ARHGAP26: variants seen among roughly 807,000 people sequenced by gnomAD.
ARHGAP26 encodes the protein rho GTPase-activating protein 26.
ARHGAP26 carries 38 observed loss-of-function variants against 104.8 expected under a neutral mutation model. That is an observed-to-expected ratio of 0.36 (90% CI 0.28 to 0.48). The LOEUF (loss-of-function observed/expected upper bound fraction) is 0.48, where lower values mean the gene tolerates loss of function less well. ARHGAP26 is among the 20% of genes least tolerant of loss of function. The pLI is 0.99. For synonymous variants in ARHGAP26, 341 were observed against 340.0 expected, an observed-to-expected ratio of 1.00 and a Z score of -0.03; for missense variants, 704 against 947.9, an observed-to-expected ratio of 0.74 and a Z score of 3.38.
chr5:143,080,589 G>A (rs1347056117), intron 17 of ARHGAP26, among the ~76,000 whole-genome samples: 1 of 152,228 alleles, frequency 6.6e-6, no homozygotes, highest in Non-Finnish European at 1.5e-5. Context: ...CCCTGGGAAA[G>A]GCACCTGCTT....
At chr5:142,904,251 G>C (rs1488751026) in intron 8 of ARHGAP26, among the ~76,000 whole-genome samples, 1 of 151,998 alleles carries the variant, frequency 6.6e-6, no homozygotes, top group Non-Finnish European at 1.5e-5. Flanking sequence ...AGCACTTTTG[G>C]AGGCTGAGGT....
intron 1 of ARHGAP26, among the ~76,000 whole-genome samples, chr5:142,837,852 A>G (rs1769902395): frequency 6.6e-6 from 1 of 152,224 alleles, no homozygotes; most frequent in African/African-American, 2.4e-5. Flanking sequence ...GCTTCAGATG[A>G]AAGCAGAAGA....
chr5:143,121,053 C>G lies in ARHGAP26; in HGVS notation c.1604C>G (p.Thr535Ser), dbSNP rs200735964. ...VANLGVVFGPTLLRPQEETVA... is the reference protein window; with the variant it reads ...VANLGVVFGPSLLRPQEETVA... Reference sequence around the variant, plus strand: ...AACCTTGGTGTGGTGTTTGGACCCACTCTGCTGAGGCCTCAGGAAGAAACA... The same window carrying G: ...AACCTTGGTGTGGTGTTTGGACCCAGTCTGCTGAGGCCTCAGGAAGAAACA... The change falls in exon 18 of 23, where the codon ACT becomes AGT. Residue 535 changes from threonine to serine, a missense_variant. Physicochemically the swap from Thr to Ser is moderately conservative, Grantham distance 58. Around this residue, in one of 6 missense-constraint regions of ARHGAP26, gnomAD observed 287 missense variants for 438.8 expected, o/e 0.65. Coordinates refer to ENST00000645722, the MANE Select transcript of ARHGAP26 (RefSeq NM_001135608.3). 5 of 1,613,708 alleles carry G rather than the reference C, an allele frequency of 3.1e-6. No individual in the cohort carries two copies. Among genetic ancestry groups the G allele is most frequent in the Non-Finnish European group, 4.2e-6 (5 of 1,179,794 alleles).
chr5:142,932,191 G>A (rs999993269), intron 11 of ARHGAP26, 66 bp downstream of exon 11: 1 of 1,473,676 alleles, frequency 6.8e-7, no homozygotes, highest in Admixed American at 1.7e-5. Flanking sequence ...CTTCCCTAGT[G>A]CAGTGATTTT....
At chr5:143,009,986 A>G (rs902410754) in intron 11 of ARHGAP26, among the ~76,000 whole-genome samples, 1 of 152,220 alleles carries the variant, frequency 6.6e-6, no homozygotes, top group Non-Finnish European at 1.5e-5. Flanking sequence ...ACCTGAAAGC[A>G]TATAAATTTG....
At chr5:143,064,765 T>C (rs1473966663) in intron 17 of ARHGAP26, among the ~76,000 whole-genome samples, 1 of 152,226 alleles carries the variant, frequency 6.6e-6, no homozygotes, top group East Asian at 1.9e-4. Flanking sequence ...TGTGGCTTTG[T>C]AGCCTTTAGA....
At chr5:142,803,031 C>T (rs1482685540) in intron 1 of ARHGAP26, among the ~76,000 whole-genome samples, 1 of 151,906 alleles carries the variant, frequency 6.6e-6, no homozygotes, top group Non-Finnish European at 1.5e-5. Context: ...ACCCCTTAAT[C>T]CAGCCTCATG....
chr5:142,941,217 A>C (rs1004751653), intron 11 of ARHGAP26, among the ~76,000 whole-genome samples: 27 of 151,528 alleles, frequency 1.8e-4, no homozygotes, highest in Non-Finnish European at 3.5e-4. Context: ...ACTAATTTAC[A>C]CTCCCATCTG....
chr5:142,788,882 G>C (rs1759202089), intron 1 of ARHGAP26, among the ~76,000 whole-genome samples: 1 of 152,194 alleles, frequency 6.6e-6, no homozygotes, highest in East Asian at 1.9e-4. Context: ...CTTTTGTTAA[G>C]TGTTTTATAA....
At chr5:142,969,201 A>G (rs1436958866) in intron 11 of ARHGAP26, 1 of 152,264 alleles carries the variant, frequency 6.6e-6, no homozygotes, top group Admixed American at 6.5e-5. Context: ...TCAGCCTACC[A>G]AAGTGCTGGG....
In ARHGAP26 at chr5:143,009,077, C is replaced by G. The variant is rs140612062; in HGVS notation, c.1108-5003C>G. 4.3e-3 allele frequency among the ~76,000 whole-genome samples: 649 copies of G among 152,184 alleles called. 7 individuals are homozygous for G. The highest frequency in any genetic ancestry group is 0.015 in the African/African-American group (626 of 41,512). On this transcript the variant is annotated intron_variant, in intron 11 of 22. Coordinates refer to ENST00000645722, the MANE Select transcript of ARHGAP26 (RefSeq NM_001135608.3). ...TTTGTATCAAAGAGCTACTCTCCCC[C>G]CCTGGTGTTTATCGTCAGGATCGAA...
chr5:143,102,081 T>C (rs1467788377), intron 17 of ARHGAP26, among the ~76,000 whole-genome samples: 2 of 152,122 alleles, frequency 1.3e-5, no homozygotes, highest in Non-Finnish European at 2.9e-5. Context: ...ATGTGGTAAG[T>C]GGAACTGGGT....
intron 5 of ARHGAP26, among the ~76,000 whole-genome samples, chr5:142,888,960 T>G (rs1758099529): frequency 6.6e-6 from 1 of 152,332 alleles, no homozygotes; most frequent in South Asian, 2.1e-4. Context: ...GAAACTGTCT[T>G]GAGCGGTCTG....
chr5:143,069,202 C>T (rs550554560), intron 17 of ARHGAP26, among the ~76,000 whole-genome samples: 1 of 152,242 alleles, frequency 6.6e-6, no homozygotes, highest in South Asian at 2.1e-4. Flanking sequence ...TTCCCATAAC[C>T]ATGTCAGTAT....
intron 11 of ARHGAP26, among the ~76,000 whole-genome samples, chr5:142,947,674 T>A (rs1202438538): frequency 1.3e-5 from 2 of 152,204 alleles, no homozygotes; most frequent in East Asian, 3.8e-4. Flanking sequence ...TGGTTTTCTG[T>A]TAACTAGTCT....
At chr5:142,858,470 G>C (rs1397042712) in intron 1 of ARHGAP26, among the ~76,000 whole-genome samples, 1 of 152,140 alleles carries the variant, frequency 6.6e-6, no homozygotes, top group Non-Finnish European at 1.5e-5. Context: ...AGTGAGTAAT[G>C]GGATGGCTGT....
chr5:143,102,246 C>T (rs1793357793), intron 17 of ARHGAP26, among the ~76,000 whole-genome samples: 1 of 152,154 alleles, frequency 6.6e-6, no homozygotes, highest in African/African-American at 2.4e-5. Flanking sequence ...TCTTCACTTC[C>T]TGCCTTCCAG....
rs541684728 is a variant in ARHGAP26, at chr5:142,940,123, C to T, written c.1107+7998C>T. 6.6e-5 allele frequency among the ~76,000 whole-genome samples: 10 copies of T among 152,298 alleles called. No homozygotes were observed. In the South Asian group the frequency reaches 1.0e-3, roughly 16 times the overall value. On this transcript the variant is annotated intron_variant, in intron 11 of 22. Transcript: ENST00000645722. ...TAGCCTCCTTTGCTATGATGCATCC[C>T]AGGCCTAGCAGTTCATAATCCTGCT...
At chr5:142,794,803 A>G (rs1760635973) in intron 1 of ARHGAP26, among the ~76,000 whole-genome samples, 1 of 152,190 alleles carries the variant, frequency 6.6e-6, no homozygotes, top group Non-Finnish European at 1.5e-5. Flanking sequence ...ACCCCGGCCA[A>G]TGATTGACTG....
Sources: gnomAD v4.1 joint callset for allele counts (sites outside exome capture counted in the v4.1 genomes callset) on GRCh38, gnomAD v4.1.1 for gene constraint, gnomAD v4.1.1 regional missense constraint, MANE v1.5 for transcripts, NCBI Gene and HGNC (gene_info 2026-07-23, HGNC 2026-07-21) for gene names.